Variants in PARD3 observed in about 807,000 individuals in gnomAD.
PARD3 encodes the protein partitioning defective 3 homolog.
Under a neutral mutation model 155.4 loss-of-function variants are expected in PARD3, and 75 were observed. That is an observed-to-expected ratio of 0.48 (90% CI 0.40 to 0.58). The LOEUF (loss-of-function observed/expected upper bound fraction) is 0.58. Ranked by LOEUF, PARD3 falls within the 20% of genes least tolerant of loss-of-function variation. The probability of loss-of-function intolerance (pLI) is 0.00; values close to 1 mark genes in which losing one functional copy is unlikely to be tolerated. For missense variants in PARD3, 1,642 were observed against 1,721.7 expected (o/e 0.95, Z 0.82); for synonymous variants, 576 against 610.5 (o/e 0.94, Z 0.83).
At chr10:34,456,498 A>G (rs2077348791) in intron 4 of PARD3, among the ~76,000 whole-genome samples, 1 of 152,028 alleles carries the variant, frequency 6.6e-6, no homozygotes, top group African/African-American at 2.4e-5. Context: ...GGGTTTCACC[A>G]TGTTCGGCAG....
chr10:34,172,012 T>C (rs972899901), intron 22 of PARD3, among the ~76,000 whole-genome samples: 3 of 147,306 alleles, frequency 2.0e-5, no homozygotes, highest in African/African-American at 7.5e-5. Context: ...AACCCCCAAC[T>C]TCTCTGGGTC....
intron 1 of PARD3, among the ~76,000 whole-genome samples, chr10:34,776,963 A>C (rs546176061): frequency 7.5e-4 from 113 of 150,994 alleles, no homozygotes; most frequent in African/African-American, 2.7e-3. Flanking sequence ...CAGCCTCCTG[A>C]ATAGCTGGAC....
At chr10:34,485,918 G>GTT (rs66906403) in intron 3 of PARD3, among the ~76,000 whole-genome samples, 5,587 of 95,428 alleles carry the variant, frequency 0.059, 518 homozygotes, top group African/African-American at 0.22. Flanking sequence ...AACGTTTTGG[G>GTT]TTTTTTTTTT....
intron 1 of PARD3, among the ~76,000 whole-genome samples, chr10:34,707,863 C>G (rs1253281823): frequency 6.6e-6 from 1 of 152,192 alleles, no homozygotes; most frequent in Non-Finnish European, 1.5e-5. Flanking sequence ...AAACATCCAC[C>G]TCTCACTGCA....
At chr10:34,440,126 A>T (rs1433287122) in intron 5 of PARD3, among the ~76,000 whole-genome samples, 2 of 152,218 alleles carry the variant, frequency 1.3e-5, no homozygotes, top group Non-Finnish European at 2.9e-5. Flanking sequence ...ATAGAAATAG[A>T]TTAAATAGCT....
intron 14 of PARD3, among the ~76,000 whole-genome samples, chr10:34,355,819 C>T (rs1344771284): frequency 1.2e-4 from 18 of 148,234 alleles, no homozygotes; most frequent in Admixed American, 8.2e-4. Context: ...CAGCTACTCA[C>T]GAGGCTGAGG....
intron 22 of PARD3, among the ~76,000 whole-genome samples, chr10:34,158,139 G>A (rs950429522): frequency 6.6e-6 from 1 of 152,134 alleles, no homozygotes; most frequent in Non-Finnish European, 1.5e-5. Context: ...AGCACTTTAG[G>A]AGGTTGAGGC....
rs61735564 is a variant in PARD3, at chr10:34,360,206, C to G, written c.1761G>C (p.Leu587=). 4.3e-4 allele frequency: 687 copies of G among 1,614,000 alleles called. No individual in the cohort carries two copies. In the African/African-American group the frequency reaches 7.6e-3, roughly 18 times the overall value. The change falls in exon 13 of 25, where the codon CTG becomes CTC. Residue 587 remains leucine, a synonymous_variant. Transcript: ENST00000374788. ...VLTPDGTREF[L]TFEVPLNDSG... is the part of the protein sequence containing the mutation. ...AATCATTAAGTGGGACTTCAAATGT[C>G]AGAAATTCCCTGGTGCCATCAGGTG...
In PARD3 at chr10:34,372,406, G is replaced by T. The variant is rs545312156; in HGVS notation, c.1707+92C>A. The stretch of plus-strand genomic sequence containing the variant: ...ATTAAATATTACGAGCCAGGAAAAG[G>T]CAGGACAAGTAACTTCGTATTAAAT... On this transcript the variant is annotated intron_variant, in intron 12 of 24. Transcript: ENST00000374788. The T allele has an allele frequency of 5.1e-4, 501 of 973,154 alleles. 3 individuals carry two copies. The South Asian group carries it at 6.1e-3, about 12-fold the overall frequency. 60.3% of individuals were successfully genotyped at this position (973,154 alleles called of 1,614,324 possible).
chr10:34,757,076 A>G (rs2133989194), intron 1 of PARD3, among the ~76,000 whole-genome samples: 1 of 152,284 alleles, frequency 6.6e-6, no homozygotes, highest in South Asian at 2.1e-4. Flanking sequence ...GGTAGGTGCA[A>G]TGTTTTTTAT....
intron 5 of PARD3, among the ~76,000 whole-genome samples, chr10:34,435,192 A>T (rs2076128237): frequency 6.6e-6 from 1 of 152,180 alleles, no homozygotes; most frequent in African/African-American, 2.4e-5. Context: ...TACAAATAAC[A>T]GGAAAAAAAA....
At chr10:34,316,928 G>C (rs1589154001) in intron 20 of PARD3, among the ~76,000 whole-genome samples, 179 bp downstream of exon 20, 3 of 152,200 alleles carry the variant, frequency 2.0e-5, no homozygotes, top group Non-Finnish European at 4.4e-5. Context: ...AGAGAGAATG[G>C]AATGATCTGT....
chr10:34,541,097 AATAT>A (rs2083579602), intron 2 of PARD3, among the ~76,000 whole-genome samples: 1 of 152,242 alleles, frequency 6.6e-6, no homozygotes, highest in Admixed American at 6.5e-5. Context: ...CATGAAATGC[AATAT>A]AGAAAATTGT....
chr10:34,426,969 T>G (rs2075642776), intron 5 of PARD3, among the ~76,000 whole-genome samples: 1 of 152,240 alleles, frequency 6.6e-6, no homozygotes, highest in Non-Finnish European at 1.5e-5. Context: ...TCATGGACAT[T>G]TATCACTTCC....
chr10:34,677,935 A>G (rs1242481950), intron 2 of PARD3, among the ~76,000 whole-genome samples: 4 of 152,240 alleles, frequency 2.6e-5, no homozygotes, highest in African/African-American at 9.6e-5. Flanking sequence ...AAATATCAAC[A>G]TTAAGAAAAG....
chr10:34,343,643 A>G lies in PARD3; in HGVS notation c.2219-1827T>C, dbSNP rs2134329163. 4.1e-6 allele frequency: 4 copies of G among 985,320 alleles called. No individual in the cohort carries two copies. The Admixed American group carries it at 2.5e-4, about 60-fold the overall frequency. 61.0% of individuals were successfully genotyped at this position (985,320 alleles called of 1,614,324 possible). On this transcript the variant is annotated intron_variant, in intron 15 of 24. Coordinates refer to ENST00000374788, the MANE Select transcript of PARD3 (RefSeq NM_001184785.2). ...GATTATACCAGGGTAATGGACAGCTAAAAAACTTTACATATTCTACTAAGC... is the reference window on the plus strand; with the variant it reads ...GATTATACCAGGGTAATGGACAGCTGAAAAACTTTACATATTCTACTAAGC...
At chr10:34,547,303 C>A (rs1171103447) in intron 2 of PARD3, among the ~76,000 whole-genome samples, 1 of 152,212 alleles carries the variant, frequency 6.6e-6, no homozygotes, top group Admixed American at 6.5e-5. Context: ...AAATAGAACA[C>A]TGGGGTTTCA....
intron 1 of PARD3, among the ~76,000 whole-genome samples, chr10:34,814,576 G>A (rs1175497603): frequency 1.3e-5 from 2 of 152,014 alleles, no homozygotes; most frequent in Non-Finnish European, 2.9e-5. Flanking sequence ...GAGGCGCCCA[G>A]GGCCGGCCTA....
intron 2 of PARD3, among the ~76,000 whole-genome samples, chr10:34,523,082 A>G (rs1287662898): frequency 4.6e-5 from 7 of 152,204 alleles, no homozygotes; most frequent in Admixed American, 6.5e-5. Context: ...TTTTCTGAAC[A>G]TATCTGAGGG....
Sources: allele counts gnomAD v4.1 joint callset (sites outside exome capture counted in the v4.1 genomes callset), GRCh38; gene constraint gnomAD v4.1.1; transcripts MANE v1.5; gene names NCBI Gene and HGNC (gene_info 2026-07-23, HGNC 2026-07-21).